The following TMEM132B variants were observed in gnomAD, a reference collection of about 807,000 sequenced individuals.
TMEM132B encodes transmembrane protein 132B.
A neutral mutation model predicts 90.8 loss-of-function variants in TMEM132B; 18 were observed. That is an observed-to-expected ratio of 0.20 (90% CI 0.14 to 0.29). TMEM132B has a LOEUF of 0.29. Among genes scored for constraint, TMEM132B ranks in the 10% least tolerant of loss-of-function variants. The pLI, the probability that TMEM132B is intolerant of heterozygous loss-of-function variation, is 1.00. For synonymous variants in TMEM132B, 504 were observed against 523.3 expected, an observed-to-expected ratio of 0.96 and a Z score of 0.50; for missense variants, 1,096 against 1,326.8, an observed-to-expected ratio of 0.83 and a Z score of 2.70.
At chr12:125,608,806 C>T (rs1412273889) in intron 5 of TMEM132B, among the ~76,000 whole-genome samples, 5 of 151,984 alleles carry the variant, frequency 3.3e-5, no homozygotes, top group Non-Finnish European at 5.9e-5. Flanking sequence ...CCCATCACCA[C>T]TTGTTGAAAA....
At chr12:125,242,254 A>G (rs188988602) in intron 1 of TMEM132B, among the ~76,000 whole-genome samples, 2 of 152,236 alleles carry the variant, frequency 1.3e-5, no homozygotes, top group African/African-American at 2.4e-5. Context: ...GGGCTCAAGA[A>G]TCCTCCTGCC....
rs186051126 is a variant in TMEM132B, at chr12:125,489,248, A to G, written c.1107-30191A>G. ...ACAAAATATAAGAAATCAGGTATTT[A>G]GCACCTTCATTTATGGTTGAGAAAA... is the stretch of plus-strand genomic sequence containing the variant. On this transcript the variant is annotated intron_variant, in intron 3 of 8. Transcript: ENST00000682704. Among the ~76,000 whole-genome samples the G allele has an allele frequency of 3.3e-5, 5 of 152,356 alleles. No homozygotes were observed. The East Asian group carries it at 9.6e-4, about 29-fold the overall frequency.
intron 1 of TMEM132B, among the ~76,000 whole-genome samples, chr12:125,188,428 C>T (rs928808021): frequency 6.6e-6 from 1 of 152,176 alleles, no homozygotes; most frequent in Non-Finnish European, 1.5e-5. Flanking sequence ...TTTTGTTTCT[C>T]CACGGGGGTC....
intron 1 of TMEM132B, among the ~76,000 whole-genome samples, chr12:125,326,384 G>A (rs544174047): frequency 4.6e-5 from 7 of 152,282 alleles, no homozygotes; most frequent in East Asian, 1.9e-4. Context: ...GACAAGCCCC[G>A]TCAGTATTCC....
intron 1 of TMEM132B, among the ~76,000 whole-genome samples, chr12:125,315,232 T>G (rs1383452260): frequency 6.6e-6 from 1 of 152,242 alleles, no homozygotes; most frequent in East Asian, 1.9e-4. Flanking sequence ...AGGGTCTCGC[T>G]CTGTCACTCA....
intron 2 of TMEM132B, among the ~76,000 whole-genome samples, chr12:125,367,744 C>T (rs1878176866): frequency 6.6e-6 from 1 of 152,102 alleles, no homozygotes; most frequent in Admixed American, 6.6e-5. Flanking sequence ...CTCTCTAGTG[C>T]CTTTGGATAG....
At chr12:125,346,178 C>T (rs115486985) in intron 1 of TMEM132B, among the ~76,000 whole-genome samples, 3,425 of 152,038 alleles carry the variant, frequency 0.023, 114 homozygotes, top group African/African-American at 0.076. Flanking sequence ...GAGGCTTTGG[C>T]TACAATGAAG....
rs1874215945 is a variant in TMEM132B at position 125,246,712 on chromosome 12, G to A, written c.67+59846G>A. 6.6e-6 allele frequency among the ~76,000 whole-genome samples: 1 copy of A among 152,192 alleles called. No individual in the cohort carries two copies. The highest frequency in any genetic ancestry group is 2.4e-5 in the African/African-American group (1 of 41,452). ...TTCGGGCTCTTTTGTGAAGTGCTTT[G>A]ATTCTTAAATCGGAGCCGGCTTTCA... is the stretch of plus-strand genomic sequence containing the variant. On this transcript the variant is annotated intron_variant, in intron 1 of 8. Transcript: ENST00000682704. The surrounding 1 kb of genome is among the most constrained non-coding windows in gnomAD (Gnocchi z 4.2).
chr12:125,426,681 C>G (rs1222749583), intron 3 of TMEM132B, among the ~76,000 whole-genome samples: 1 of 152,212 alleles, frequency 6.6e-6, no homozygotes, highest in East Asian at 1.9e-4. Flanking sequence ...CCCCACTAAT[C>G]CATCCAGCTG....
chr12:125,253,650 T>G (rs1276772804), intron 1 of TMEM132B, among the ~76,000 whole-genome samples: 1 of 152,044 alleles, frequency 6.6e-6, no homozygotes, highest in African/African-American at 2.4e-5. Flanking sequence ...CCCAGGCTGG[T>G]CTCAAACTCC....
chr12:125,229,850 G>T (rs1873776122), intron 1 of TMEM132B, among the ~76,000 whole-genome samples: 1 of 152,234 alleles, frequency 6.6e-6, no homozygotes, highest in Non-Finnish European at 1.5e-5. Flanking sequence ...AATCCCAGTG[G>T]AAAGAGAACA....
intron 2 of TMEM132B, among the ~76,000 whole-genome samples, chr12:125,393,868 T>G (rs552226177): frequency 1.1e-4 from 17 of 152,308 alleles, no homozygotes; most frequent in African/African-American, 4.1e-4. Context: ...GATAGGAATA[T>G]CTCAACCTCT....
At chr12:125,240,098 C>T (rs527494556) in intron 1 of TMEM132B, among the ~76,000 whole-genome samples, 1 of 152,288 alleles carries the variant, frequency 6.6e-6, no homozygotes, top group South Asian at 2.1e-4. Flanking sequence ...GGAACGTTGA[C>T]CTGTAGAGCT....
At chr12:125,409,680 G>T (rs1879652982) in intron 2 of TMEM132B, among the ~76,000 whole-genome samples, 1 of 71,532 alleles carries the variant, frequency 1.4e-5, no homozygotes, top group South Asian at 6.2e-4. Context: ...GAGTGGAGTG[G>T]AGTGGAGTGG....
intron 3 of TMEM132B, among the ~76,000 whole-genome samples, chr12:125,499,451 A>G (rs927516558): frequency 1.3e-5 from 2 of 152,256 alleles, no homozygotes; most frequent in Non-Finnish European, 2.9e-5. Flanking sequence ...ATGAGCCAAC[A>G]GCGCGTGATG....
intron 6 of TMEM132B, among the ~76,000 whole-genome samples, chr12:125,647,080 A>G (rs79100667): frequency 0.019 from 2,879 of 152,318 alleles, 45 homozygotes; most frequent in South Asian, 0.044. Context: ...AAAGCCCTCA[A>G]TAGGCTCGGC....
At chr12:125,536,921 G>T (rs1883814082) in intron 4 of TMEM132B, among the ~76,000 whole-genome samples, 1 of 151,790 alleles carries the variant, frequency 6.6e-6, no homozygotes, top group South Asian at 2.1e-4. Flanking sequence ...CAAGCTAAGA[G>T]ATATGATATT....
At chr12:125,391,730 T>C (rs1425990362) in intron 2 of TMEM132B, among the ~76,000 whole-genome samples, 1 of 152,094 alleles carries the variant, frequency 6.6e-6, no homozygotes, top group East Asian at 1.9e-4. Flanking sequence ...GTACAAAACC[T>C]CAGGAGGGAT....
intron 2 of TMEM132B, among the ~76,000 whole-genome samples, chr12:125,353,962 G>A (rs1282807226): frequency 1.3e-5 from 2 of 152,036 alleles, no homozygotes; most frequent in Non-Finnish European, 2.9e-5. Flanking sequence ...TTCTGACTTG[G>A]CCTTGAAAAA....
Sources: allele counts gnomAD v4.1 joint callset (sites outside exome capture counted in the v4.1 genomes callset), GRCh38; gene constraint gnomAD v4.1.1; non-coding constraint Gnocchi (gnomAD v3.1); transcripts MANE v1.5; gene names NCBI Gene and HGNC (gene_info 2026-07-23, HGNC 2026-07-21).